Variants in MICAL2 observed in about 807,000 individuals in gnomAD.
The protein encoded by MICAL2 is microtubule associated monooxygenase, calponin and LIM domain containing 2.
In MICAL2, 77 loss-of-function variants were observed where a neutral mutation model predicts 127.3. That is an observed-to-expected ratio of 0.60 (90% CI 0.50 to 0.73). The LOEUF (loss-of-function observed/expected upper bound fraction) is 0.73. Among genes scored for constraint, MICAL2 ranks in the 30% least tolerant of loss-of-function variants. The pLI, the probability that MICAL2 is intolerant of heterozygous loss-of-function variation, is 0.00. For missense variants in MICAL2, 1,351 were observed against 1,434.4 expected (o/e 0.94, Z 0.94); for synonymous variants, 570 against 551.1 (o/e 1.03, Z -0.48).
At chr11:12,360,845 T>C (rs1303485410), downstream of MICAL2, among the ~76,000 whole-genome samples, 1 of 152,226 alleles carries the variant, frequency 6.6e-6, no homozygotes, top group African/African-American at 2.4e-5. Flanking sequence ...CAGTTTTCTA[T>C]ATACACTGGC....
rs185266185 is a variant in MICAL2 at position 12,128,321 on chromosome 11, C to T, written c.-148-10069C>T. Among the ~76,000 whole-genome samples, 3 of 152,290 alleles carry T rather than the reference C, an allele frequency of 2.0e-5. No homozygotes were observed. The East Asian group carries it at 5.8e-4, about 29-fold the overall frequency. On this transcript the variant is annotated intron_variant, in intron 1 of 27. Transcript: ENST00000683283. ...GTTGTTTATCAAGACTGCAACATGC[C>T]AGGTGCTGCACTAGACACATCCCAT...
At chr11:12,155,813 G>T (rs1483922579) in intron 2 of MICAL2, among the ~76,000 whole-genome samples, 1 of 152,216 alleles carries the variant, frequency 6.6e-6, no homozygotes, top group Non-Finnish European at 1.5e-5. Context: ...GATGACGTTG[G>T]CTTCCTTCTG....
intron 1 of MICAL2, 146 bp from the exon 2 acceptor site, chr11:12,138,244 G>T (rs1852009973): frequency 6.6e-6 from 1 of 152,198 alleles, no homozygotes; most frequent in African/African-American, 2.4e-5. Flanking sequence ...GCCAGGGAGA[G>T]ATTCTCTGTC....
At chr11:12,340,641 C>G (rs1938848108) in intron 32 of MICAL2, among the ~76,000 whole-genome samples, 1 of 152,134 alleles carries the variant, frequency 6.6e-6, no homozygotes, top group African/African-American at 2.4e-5. Flanking sequence ...CTCAGATATC[C>G]ATTAACAGGA....
In MICAL2 at chr11:12,155,549, CACAT is replaced by C. The variant is rs1195072827; in HGVS notation, c.-77-6522_-77-6519del. ...TCATACATATATACACATATGCACA[CACAT>C]ACATACACACATGCACACATATATA... On this transcript the variant is annotated intron_variant, in intron 2 of 27. Transcript: ENST00000683283. 8.5e-5 allele frequency among the ~76,000 whole-genome samples: 13 copies of C among 152,298 alleles called. No homozygotes were observed. The South Asian group carries it at 2.1e-3, about 24-fold the overall frequency.
intron 33 of MICAL2, chr11:12,349,989 G>A (rs186059612): frequency 9.9e-6 from 15 of 1,514,716 alleles, no homozygotes; most frequent in Admixed American, 1.7e-5. Flanking sequence ...AGGGGCAAAG[G>A]GGGGTGGCTT....
intron 22 of MICAL2, chr11:12,254,028 G>A (rs772470718): frequency 5.3e-5 from 8 of 152,200 alleles, no homozygotes; most frequent in Non-Finnish European, 1.2e-4. Flanking sequence ...CTATCCAGGA[G>A]CTCAAGAGTC....
At chr11:12,191,979 C>T (rs950798503) in intron 3 of MICAL2, among the ~76,000 whole-genome samples, 2 of 151,918 alleles carry the variant, frequency 1.3e-5, no homozygotes, top group Admixed American at 6.6e-5. Flanking sequence ...AAGGAGCTCC[C>T]TTAGACTTTC....
intron 33 of MICAL2, among the ~76,000 whole-genome samples, chr11:12,352,151 T>C (rs1368154982): frequency 6.6e-6 from 1 of 152,242 alleles, no homozygotes; most frequent in African/African-American, 2.4e-5. Flanking sequence ...ATTTGTCCAC[T>C]CTACCTGACT....
At chr11:12,179,890 C>T (rs1857235959) in intron 3 of MICAL2, among the ~76,000 whole-genome samples, 1 of 152,214 alleles carries the variant, frequency 6.6e-6, no homozygotes. Flanking sequence ...GCAGCTGTTC[C>T]CATCCTTTAC....
intron 1 of MICAL2, among the ~76,000 whole-genome samples, chr11:12,132,560 G>A (rs928912763): frequency 2.0e-5 from 3 of 152,268 alleles, no homozygotes; most frequent in African/African-American, 7.2e-5. Flanking sequence ...ACTCTCTGAA[G>A]CTGGCAGCTG....
chr11:12,167,473 G>T lies in MICAL2; in HGVS notation c.264+5054G>T, dbSNP rs1855652238. Among the ~76,000 whole-genome samples, 3 of 152,200 alleles carry T rather than the reference G, an allele frequency of 2.0e-5. No individual in the cohort carries two copies. The South Asian group carries it at 6.2e-4, about 32-fold the overall frequency. On this transcript the variant is annotated intron_variant, in intron 3 of 27. Coordinates refer to ENST00000683283, the MANE Select transcript of MICAL2 (RefSeq NM_001282663.2). Reference sequence around the variant, plus strand: ...GCGAGGCAGGGTGCAAGGATGTTAGGGGTGGAAGGGGTGACACCGGGAGCA... The same window carrying T: ...GCGAGGCAGGGTGCAAGGATGTTAGTGGTGGAAGGGGTGACACCGGGAGCA...
chr11:12,311,142 G>C (rs12360900), intron 29 of MICAL2, among the ~76,000 whole-genome samples: 60,739 of 151,794 alleles, frequency 0.4, 14,855 homozygotes, highest in Non-Finnish European at 0.55. Flanking sequence ...AGCATTATTT[G>C]ACTCCTTCTT....
At chr11:12,165,081 G>C (rs1855318380) in intron 3 of MICAL2, among the ~76,000 whole-genome samples, 1 of 150,056 alleles carries the variant, frequency 6.7e-6, no homozygotes, top group African/African-American at 2.5e-5. Flanking sequence ...ATAGGTTGCA[G>C]TGAGCTGAGA....
At chr11:12,221,786 C>G in intron 10 of MICAL2, 27 bp downstream of exon 10, 1 of 1,589,754 alleles carries the variant, frequency 6.3e-7, no homozygotes, top group Non-Finnish European at 8.6e-7. Flanking sequence ...GGGCTCCTAA[C>G]TGGGGGGCAG....
At chr11:12,281,919 T>C (rs775870418) in intron 2 of MICAL2, among the ~76,000 whole-genome samples, 1 of 152,218 alleles carries the variant, frequency 6.6e-6, no homozygotes, top group Non-Finnish European at 1.5e-5. Context: ...GGGTAACTTC[T>C]GGACGAGCCT....
chr11:12,361,854 G>C (rs1347008651), downstream of MICAL2, among the ~76,000 whole-genome samples: 3 of 152,246 alleles, frequency 2.0e-5, no homozygotes, highest in Admixed American at 2.0e-4. Flanking sequence ...GCAGGGCAGA[G>C]GTGGCAGGGG....
rs150716394 is a variant in MICAL2 at position 12,327,362 on chromosome 11, A to T, written c.5515+96A>T. 2.3e-4 allele frequency: 219 copies of T among 962,416 alleles called. 1 individual carries two copies. The East Asian group carries it at 5.2e-3, about 23-fold the overall frequency. The allele number at this position is 962,416 out of a possible 1,614,324, so 59.6% of individuals were successfully genotyped here. A position where few individuals can be genotyped will look rare whatever the true frequency, so the allele number is the denominator to read the frequency against. On this transcript the variant is annotated intron_variant, in intron 32 of 34. Transcript: ENST00000646065. ...AAACAGACCTTGTCACCTGCTGGAG[A>T]TCTGTCAGCATGGACATATGGTGGT...
chr11:12,248,772 C>CAGGGACACCTGGTAGGAGGATAAATCTT (rs1861127975), intron 21 of MICAL2, among the ~76,000 whole-genome samples: 2 of 152,214 alleles, frequency 1.3e-5, no homozygotes, highest in Admixed American at 6.5e-5. Flanking sequence ...GGATAAATCT[C>CAGGGACACCTGGTAGGAGGATAAATCTT]AGGGACAGGT....
Sources: allele counts gnomAD v4.1 joint callset (sites outside exome capture counted in the v4.1 genomes callset), GRCh38; gene constraint gnomAD v4.1.1; transcripts MANE v1.5; gene names NCBI Gene and HGNC (gene_info 2026-07-23, HGNC 2026-07-21).